The following ZIM3 variants were observed in gnomAD, a reference collection of about 807,000 sequenced individuals.
ZIM3 encodes the protein zinc finger protein 657.
ZIM3 carries 11 observed loss-of-function variants against 12.9 expected under a neutral mutation model. The observed-to-expected ratio is 0.85, with a 90% confidence interval of 0.54 to 1.41. The LOEUF (loss-of-function observed/expected upper bound fraction) is 1.41, where lower values mean the gene tolerates loss of function less well. Among genes scored for constraint, ZIM3 ranks in the 40% most tolerant of loss-of-function variants. The pLI, the probability that ZIM3 is intolerant of heterozygous loss-of-function variation, is 0.00. For synonymous variants in ZIM3, 205 were observed against 198.5 expected, an observed-to-expected ratio of 1.03 and a Z score of -0.28; for missense variants, 604 against 557.2, an observed-to-expected ratio of 1.08 and a Z score of -0.85.
At chr19:57,138,415 G>A in intron 3 of ZIM3, 57 bp downstream of exon 3, 2 of 1,612,768 alleles carry the variant, frequency 1.2e-6, no homozygotes, top group Admixed American at 3.3e-5. Flanking sequence ...GCCATGGGGT[G>A]TCTGTGTGTT....
chr19:57,134,887 C>A lies in ZIM3; in HGVS notation c.*31G>T. 6.4e-7 allele frequency: 1 copy of A among 1,562,642 alleles called. No homozygotes were observed. The highest frequency in any genetic ancestry group is 8.6e-7 in the Non-Finnish European group (1 of 1,156,656). On this transcript the variant is annotated 3_prime_UTR_variant, in exon 5 of 5. Transcript: ENST00000269834. ...GGGTGACAATTCCAGGCAACCATAT[C>A]TTCCCATGTTTTTTTAAGTGCATGG...
rs552638669 is a variant in ZIM3 at position 57,139,347 on chromosome 19, A to AAAAAG, written c.16-754_16-750dup. 2.5e-3 allele frequency among the ~76,000 whole-genome samples: 385 copies of AAAAAG among 152,102 alleles called. 1 individual carries two copies. Among genetic ancestry groups the AAAAAG allele is most frequent in the African/African-American group, 7.3e-3 (305 of 41,506 alleles). ...CTGTCTCAAGAAAAAAAAGAAAAAG[A>AAAAAG]AAAAGAAAAGAAAAGAAAATGTTAT... On this transcript the variant is annotated intron_variant, in intron 2 of 4. Transcript: ENST00000269834.
intron 3 of ZIM3, among the ~76,000 whole-genome samples, chr19:57,137,656 T>C (rs1317820638): frequency 6.7e-6 from 1 of 148,258 alleles, no homozygotes; most frequent in African/African-American, 2.5e-5. Flanking sequence ...GAGGTTGCAG[T>C]GAGCCGAGAT....
chr19:57,135,892 TATC>T lies in ZIM3; in HGVS notation c.442_444del (p.Asp148del), dbSNP rs1356310400. 1 of 1,614,170 alleles carries T rather than the reference TATC, an allele frequency of 6.2e-7. No individual in the cohort carries two copies. Among genetic ancestry groups the T allele is most frequent in the African/African-American group, 1.3e-5 (1 of 75,052 alleles). On this transcript the variant is annotated inframe_deletion, in exon 5 of 5. Transcript: ENST00000269834. Reference sequence around the variant, plus strand: ...TTGCCAACTAATTTTCTGTATCCATTATCATCGTGAGAATTATTTTGTACATAG... The same window carrying T: ...TTGCCAACTAATTTTCTGTATCCATTATCGTGAGAATTATTTTGTACATAG...
In ZIM3 at chr19:57,134,506, CTGACCTCAGG is replaced by C. The variant is rs2086876033; in HGVS notation, c.*402_*411del. On this transcript the variant is annotated 3_prime_UTR_variant, in exon 5 of 5. Coordinates refer to ENST00000269834, the MANE Select transcript of ZIM3 (RefSeq NM_052882.1). ...TGTTGGTCATGCTGGTCTCGAACTCCTGACCTCAGGTGATGCGCCCACCTCAGCCTCCCAA... is the reference window on the plus strand; with the variant it reads ...TGTTGGTCATGCTGGTCTCGAACTCCTGATGCGCCCACCTCAGCCTCCCAA... 6.3e-6 allele frequency: 1 copy of C among 159,498 alleles called. No homozygotes were observed. Among genetic ancestry groups the C allele is most frequent in the Non-Finnish European group, 1.4e-5 (1 of 72,406 alleles). 9.9% of individuals were successfully genotyped at this position (159,498 alleles called of 1,614,324 possible).
intron 3 of ZIM3, among the ~76,000 whole-genome samples, chr19:57,138,271 G>A (rs1037964271): frequency 1.3e-5 from 2 of 152,150 alleles, no homozygotes; most frequent in East Asian, 1.9e-4. Flanking sequence ...TCATTCTCCC[G>A]GCACTTGCCG....
Position 57,142,570 on chromosome 19 carries a change from G to A in ZIM3, c.15+59C>T, listed in dbSNP as rs1203614424. 6.3e-6 allele frequency: 10 copies of A among 1,580,174 alleles called. No individual in the cohort carries two copies. In the African/African-American group the frequency reaches 1.2e-4, roughly 19 times the overall value. On this transcript the variant is annotated intron_variant, in intron 2 of 4. Transcript: ENST00000269834. Reference sequence around the variant, plus strand: ...GGTTAGCACAGTTAATTCTGAGCAAGAGGAACGTGGGTCATACGTTTATTC... The same window carrying A: ...GGTTAGCACAGTTAATTCTGAGCAAAAGGAACGTGGGTCATACGTTTATTC...
Position 57,135,128 on chromosome 19 carries a change from C to A in ZIM3, c.1209G>T (p.Lys403Asn). ...TTTTCTGATGGCTATGAAGGTTTGACTTCTGAAAGAAGGCTTTTCCACATC... is the reference window on the plus strand; with the variant it reads ...TTTTCTGATGGCTATGAAGGTTTGAATTCTGAAAGAAGGCTTTTCCACATC... ...CNRCGKAFFQ[K>N]SNLHSHQKTH... The change falls in exon 5 of 5, where the codon AAG becomes AAT. Residue 403 changes from lysine (K) to asparagine (N), a missense_variant. Transcript: ENST00000269834. 6.2e-7 allele frequency: 1 copy of A among 1,614,188 alleles called. No individual in the cohort carries two copies. The highest frequency in any genetic ancestry group is 8.5e-7 in the Non-Finnish European group (1 of 1,180,038).
At chr19:57,142,710 T>A in intron 1 of ZIM3, 25 bp from the exon 2 acceptor site, 1 of 1,575,476 alleles carries the variant, frequency 6.3e-7, no homozygotes, top group Non-Finnish European at 8.7e-7. Flanking sequence ...AAAAGAACCA[T>A]GAAATAGCAG....
At chr19:57,142,246 C>T (rs1256764504) in intron 2 of ZIM3, among the ~76,000 whole-genome samples, 4 of 150,184 alleles carry the variant, frequency 2.7e-5, no homozygotes, top group Non-Finnish European at 5.9e-5. Context: ...CAGGTTCAAG[C>T]GATTCTCCCA....
At position 57,143,673 on chromosome 19, in the gene ZIM3, T is replaced by C. The variant is rs1032450997; in HGVS notation, c.-42-988A>G. On this transcript the variant is annotated intron_variant, in intron 1 of 4. Transcript: ENST00000269834. ...GGGAGGATCAGTTGAGCCCAGGAGT[T>C]ACTTTTTTTTTTTTTTTTTTAAGAC... Among the ~76,000 whole-genome samples, 18 of 129,042 alleles carry C rather than the reference T, an allele frequency of 1.4e-4. No individual in the cohort carries two copies. In the East Asian group the frequency reaches 2.6e-3, roughly 19 times the overall value. 84.7% of individuals were successfully genotyped at this position (129,042 alleles called of 152,430 possible). A position where few individuals can be genotyped will look rare whatever the true frequency, so the allele number is the denominator to read the frequency against.
chr19:57,136,453 G>A (rs964219443), intron 4 of ZIM3, among the ~76,000 whole-genome samples: 4 of 151,612 alleles, frequency 2.6e-5, no homozygotes, highest in East Asian at 1.9e-4. Flanking sequence ...GCCTGAGGTC[G>A]GGGGTTCAAG....
Position 57,136,984 on chromosome 19 carries a change from A to G in ZIM3, c.143-13T>C. On this transcript the variant is annotated splice_polypyrimidine_tract_variant and intron_variant, in intron 3 of 4. Coordinates refer to ENST00000269834, the MANE Select transcript of ZIM3 (RefSeq NM_052882.1). ...GTTTCCCCTTGTCCTGTGATGGAAGATACCGCAAGGCTTGGTGTTTGTGGA... is the reference window on the plus strand; with the variant it reads ...GTTTCCCCTTGTCCTGTGATGGAAGGTACCGCAAGGCTTGGTGTTTGTGGA... 8 of 1,613,812 alleles carry G rather than the reference A, an allele frequency of 5.0e-6. No homozygotes were observed. Among genetic ancestry groups the G allele is most frequent in the Admixed American group, 1.7e-5 (1 of 60,024 alleles).
Position 57,134,926 on chromosome 19 carries a change from A to T in ZIM3, c.1411T>A (p.Ser471Thr). Residue 471 changes from serine (S) to threonine (T), a missense_variant, in exon 5 of 5, where the codon TCC (serine) becomes ACC (threonine). By Grantham distance (58) the Ser-to-Thr change is moderately conservative (BLOSUM62 1). Coordinates refer to ENST00000269834, the MANE Select transcript of ZIM3 (RefSeq NM_052882.1). ...TTAAGTGCATGGGGCTCCTATCTGG[A>T]GTGAATTCTTTTCTGGTGCCTAACA... is the stretch of plus-strand genomic sequence containing the variant. ...YLVRHQKRIHSR is the reference protein window; with the variant it reads ...YLVRHQKRIHTR 6.2e-7 allele frequency: 1 copy of T among 1,610,406 alleles called. No homozygotes were observed. Among genetic ancestry groups the T allele is most frequent in the Non-Finnish European group, 8.5e-7 (1 of 1,178,084 alleles).
Position 57,135,903 on chromosome 19 carries a change from G to T in ZIM3, c.434C>A (p.Ser145Tyr). ...SSLQHYVQNN[S>Y]HDDNGYRKLV... is the part of the protein sequence containing the mutation. Reference sequence around the variant, plus strand: ...TTTTCTGTATCCATTATCATCGTGAGAATTATTTTGTACATAGTGTTGCAA... The same window carrying T: ...TTTTCTGTATCCATTATCATCGTGATAATTATTTTGTACATAGTGTTGCAA... Residue 145 changes from serine (S) to tyrosine (Y), a missense_variant, in exon 5 of 5, where the codon TCT (serine) becomes TAT (tyrosine). Transcript: ENST00000269834. 2.5e-6 allele frequency: 4 copies of T among 1,614,090 alleles called. No individual in the cohort carries two copies. Among genetic ancestry groups the T allele is most frequent in the Non-Finnish European group, 3.4e-6 (4 of 1,180,028 alleles).
rs1184625959 is a variant in ZIM3, at chr19:57,142,686, C to A, written c.-42-1G>T. The A allele has an allele frequency of 6.2e-7, 1 of 1,609,770 alleles. No individual in the cohort carries two copies. The highest frequency in any genetic ancestry group is 1.3e-5 in the African/African-American group (1 of 74,674). On this transcript the variant is annotated splice_acceptor_variant, in intron 1 of 4. Transcript: ENST00000269834. LOFTEE classifies it low-confidence loss of function (5UTR_SPLICE). Reference sequence around the variant, plus strand: ...TCAGTAAAGTCTTGGGAAGGCAGATCTGAGGGAAAATGGAAAAGAACCATG... The same window carrying A: ...TCAGTAAAGTCTTGGGAAGGCAGATATGAGGGAAAATGGAAAAGAACCATG...
intron 2 of ZIM3, among the ~76,000 whole-genome samples, chr19:57,140,500 G>A (rs1438383852): frequency 6.6e-6 from 1 of 151,006 alleles, no homozygotes; most frequent in Admixed American, 6.6e-5. Flanking sequence ...TTTGACACAG[G>A]TTCTTGCTCT....
At chr19:57,142,367 C>T (rs1051271053) in intron 2 of ZIM3, among the ~76,000 whole-genome samples, 13 of 151,998 alleles carry the variant, frequency 8.6e-5, no homozygotes, top group African/African-American at 3.1e-4. Flanking sequence ...GTTTCAAACT[C>T]CTGAACTCAA....
intron 4 of ZIM3, 38 bp downstream of exon 4, chr19:57,136,835 A>C (rs1191277740): frequency 5.1e-6 from 8 of 1,578,538 alleles, no homozygotes; most frequent in Non-Finnish European, 6.1e-6. Context: ...ATTGGCTTCC[A>C]TGCACCATTG....
Sources: allele counts gnomAD v4.1 joint callset (sites outside exome capture counted in the v4.1 genomes callset), GRCh38; gene constraint gnomAD v4.1.1; transcripts MANE v1.5; gene names NCBI Gene and HGNC (gene_info 2026-07-23, HGNC 2026-07-21).